Variants in FHIT observed in about 807,000 individuals in gnomAD.
FHIT encodes fragile histidine triad diadenosine triphosphatase.
In FHIT, 19 loss-of-function variants were observed where a neutral mutation model predicts 17.9. The observed-to-expected ratio is 1.06, with a 90% confidence interval of 0.74 to 1.56. The LOEUF (loss-of-function observed/expected upper bound fraction) is 1.56. FHIT is among the 40% of genes most tolerant of loss of function. The pLI, the probability that FHIT is intolerant of heterozygous loss-of-function variation, is 0.00. For missense variants in FHIT, 248 were observed against 189.2 expected (o/e 1.31, Z -1.82); for synonymous variants, 81 against 69.7 (o/e 1.16, Z -0.81).
chr3:60,808,603 G>A (rs1010587542), intron 4 of FHIT, among the ~76,000 whole-genome samples: 1 of 152,208 alleles, frequency 6.6e-6, no homozygotes, highest in Non-Finnish European at 1.5e-5. Context: ...AAGAATGAGT[G>A]TTCCAATGAG....
chr3:60,835,507 A>G (rs1348264169), intron 3 of FHIT, among the ~76,000 whole-genome samples: 4 of 152,226 alleles, frequency 2.6e-5, no homozygotes, highest in Admixed American at 2.6e-4. Flanking sequence ...TATTTTTAAA[A>G]TTTGTGTCCA....
chr3:60,450,214 TA>T (rs1296768361), intron 5 of FHIT, among the ~76,000 whole-genome samples: 1 of 151,970 alleles, frequency 6.6e-6, no homozygotes, highest in South Asian at 2.1e-4. Context: ...CTAAATTTAT[TA>T]AAAAATAAAG....
chr3:60,690,600 G>C (rs2040964292), intron 4 of FHIT: 1 of 533,714 alleles, frequency 1.9e-6, no homozygotes, highest in Non-Finnish European at 3.8e-6. Context: ...TTTCTCCAGT[G>C]CTCAGAGCAT....
Position 60,127,018 on chromosome 3 carries a change from C to T in FHIT, c.104-112866G>A, listed in dbSNP as rs150197159. ...AATGCAGGCAAGCAAGGGAGAGAGC[C>T]CTTGGACACTCTTCTCTAGTATTCT... On this transcript the variant is annotated intron_variant, in intron 5 of 9. Coordinates refer to ENST00000492590, the MANE Select transcript of FHIT (RefSeq NM_002012.4). 2.4e-3 allele frequency among the ~76,000 whole-genome samples: 370 copies of T among 152,230 alleles called. 4 individuals carry two copies. The highest frequency in any genetic ancestry group is 4.0e-3 in the Non-Finnish European group (272 of 68,012).
At chr3:61,010,688 A>G (rs1367686385) in intron 3 of FHIT, among the ~76,000 whole-genome samples, 2 of 152,230 alleles carry the variant, frequency 1.3e-5, no homozygotes, top group Non-Finnish European at 2.9e-5. Context: ...TGACACTGCC[A>G]ATATTTTAAG....
intron 5 of FHIT, among the ~76,000 whole-genome samples, chr3:60,365,130 G>C (rs1576543888): frequency 6.7e-6 from 1 of 148,172 alleles, no homozygotes; most frequent in East Asian, 2.0e-4. Flanking sequence ...ATAATACTAA[G>C]ACCTATATAT....
intron 5 of FHIT, among the ~76,000 whole-genome samples, chr3:60,298,030 C>A (rs1236879425): frequency 4.6e-5 from 7 of 152,022 alleles, no homozygotes; most frequent in Admixed American, 3.9e-4. Context: ...AGATATACAA[C>A]CAGATGGAAG....
chr3:60,312,356 G>A (rs1015205779), intron 5 of FHIT, among the ~76,000 whole-genome samples: 2 of 151,972 alleles, frequency 1.3e-5, no homozygotes, highest in Non-Finnish European at 2.9e-5. Flanking sequence ...TGCCTAGGCT[G>A]GTCTCGAACT....
chr3:60,172,112 A>G (rs55848908), intron 5 of FHIT, among the ~76,000 whole-genome samples: 1,645 of 152,318 alleles, frequency 0.011, 22 homozygotes, highest in African/African-American at 0.038. Flanking sequence ...TAAGTTTCTT[A>G]ATACAACAAA....
intron 1 of FHIT, among the ~76,000 whole-genome samples, chr3:61,228,128 C>A (rs1225629226): frequency 6.6e-6 from 1 of 151,778 alleles, no homozygotes; most frequent in East Asian, 1.9e-4. Context: ...AAATATACCA[C>A]ATTGGCATAA....
chr3:61,177,733 C>T (rs757015317), intron 2 of FHIT, among the ~76,000 whole-genome samples: 2 of 152,136 alleles, frequency 1.3e-5, no homozygotes, highest in Non-Finnish European at 2.9e-5. Flanking sequence ...ATGACTGATA[C>T]GTTTGCCTTT....
chr3:60,520,421 C>T lies in FHIT; in HGVS notation c.103+16439G>A, dbSNP rs111519288. On this transcript the variant is annotated intron_variant, in intron 5 of 9. Transcript: ENST00000492590. ...ATTAATGCTCCGTACCTCCTGTGTA[C>T]GGATTATATCAGGAGGCTGAGCTGT... Among the ~76,000 whole-genome samples, 950 of 152,004 alleles carry T rather than the reference C, an allele frequency of 6.2e-3. 9 individuals carry two copies. Among genetic ancestry groups the T allele is most frequent in the Non-Finnish European group, 9.2e-3 (626 of 67,974 alleles).
intron 5 of FHIT, among the ~76,000 whole-genome samples, chr3:60,510,630 C>CAA (rs10662718): frequency 0.58 from 88,551 of 151,672 alleles, 25,987 homozygotes; most frequent in Admixed American, 0.61. Flanking sequence ...GCTTCCAAGA[C>CAA]AGAGATGTGA....
chr3:60,247,839 T>G (rs71313759), intron 5 of FHIT, among the ~76,000 whole-genome samples: 6,348 of 152,240 alleles, frequency 0.042, 199 homozygotes, highest in Non-Finnish European at 0.064. Flanking sequence ...AAGAATGCAG[T>G]TAGGAGCTCA....
intron 3 of FHIT, among the ~76,000 whole-genome samples, chr3:60,883,845 G>C (rs1205774030): frequency 6.6e-6 from 1 of 152,006 alleles, no homozygotes; most frequent in Non-Finnish European, 1.5e-5. Flanking sequence ...AGGCAACAAA[G>C]GTTAAAATAG....
At chr3:60,385,630 A>G (rs1364191297) in intron 5 of FHIT, among the ~76,000 whole-genome samples, 2 of 152,188 alleles carry the variant, frequency 1.3e-5, no homozygotes, top group African/African-American at 4.8e-5. Flanking sequence ...TCCAGTCTAG[A>G]GTGCAGTTGC....
intron 5 of FHIT, among the ~76,000 whole-genome samples, chr3:60,033,855 G>T (rs1227284691): frequency 6.6e-6 from 1 of 152,172 alleles, no homozygotes; most frequent in Non-Finnish European, 1.5e-5. Context: ...TAATTAGCAA[G>T]TATTAGCATC....
intron 4 of FHIT, among the ~76,000 whole-genome samples, chr3:60,668,731 T>C (rs1382642134): frequency 6.6e-6 from 1 of 151,802 alleles, no homozygotes; most frequent in Non-Finnish European, 1.5e-5. Context: ...CTGGCTAATT[T>C]TGTTTTTGTA....
chr3:61,212,882 A>T (rs1282277308), intron 1 of FHIT, among the ~76,000 whole-genome samples: 2 of 152,244 alleles, frequency 1.3e-5, no homozygotes. Context: ...TTTTCAACCC[A>T]GCATTTCATA....
Sources: allele counts gnomAD v4.1 joint callset (sites outside exome capture counted in the v4.1 genomes callset), GRCh38; gene constraint gnomAD v4.1.1; transcripts MANE v1.5; gene names NCBI Gene and HGNC (gene_info 2026-07-23, HGNC 2026-07-21).